The following REEP1 variants were observed in gnomAD, a reference collection of about 807,000 sequenced individuals.
REEP1 encodes receptor expression-enhancing protein 1.
A neutral mutation model predicts 40.3 loss-of-function variants in REEP1; 22 were observed. The observed-to-expected ratio is 0.55, with a 90% CI of 0.39 to 0.78. The LOEUF is 0.78. Ranked by LOEUF, REEP1 falls within the 30% of genes least tolerant of loss-of-function variation. The pLI, the probability that REEP1 is intolerant of heterozygous loss-of-function variation, is 0.00. For synonymous variants in REEP1, 116 were observed against 139.2 expected (o/e 0.83, Z 1.17); for missense variants, 280 against 361.1 (o/e 0.78, Z 1.82).
intron 3 of REEP1, among the ~76,000 whole-genome samples, chr2:86,256,106 T>G (rs1321200905): frequency 6.6e-6 from 1 of 151,900 alleles, no homozygotes; most frequent in East Asian, 1.9e-4. Flanking sequence ...CCCAGCACTT[T>G]GGGAGGAAGA....
chr2:86,299,421 T>C (rs556086401), intron 1 of REEP1, among the ~76,000 whole-genome samples: 13 of 152,310 alleles, frequency 8.5e-5, no homozygotes, highest in African/African-American at 2.6e-4. Flanking sequence ...GAATGTCCTC[T>C]CAGAGCAAAA....
chr2:86,266,211 T>A (rs978259498), intron 2 of REEP1, among the ~76,000 whole-genome samples: 1 of 152,214 alleles, frequency 6.6e-6, no homozygotes, highest in African/African-American at 2.4e-5. Context: ...TATACAAAAA[T>A]TAACTTCAAA....
At chr2:86,289,350 A>G (rs1678573285) in intron 1 of REEP1, among the ~76,000 whole-genome samples, 1 of 152,178 alleles carries the variant, frequency 6.6e-6, no homozygotes, top group East Asian at 1.9e-4. Flanking sequence ...TATTATTTTC[A>G]GCTCTCTATT....
intron 1 of REEP1, among the ~76,000 whole-genome samples, chr2:86,321,502 C>T (rs754228169): frequency 6.6e-6 from 1 of 151,956 alleles, no homozygotes; most frequent in African/African-American, 2.4e-5. Context: ...CAAAACCATA[C>T]AAAAATAACA....
At chr2:86,293,748 G>A (rs4832034) in intron 1 of REEP1, among the ~76,000 whole-genome samples, 132,710 of 152,196 alleles carry the variant, frequency 0.87, 58,295 homozygotes, top group East Asian at 0.96. Flanking sequence ...ACACTGCCAA[G>A]TGAGGCTGGT....
At chr2:86,221,530 G>A (rs981086900) in intron 7 of REEP1, among the ~76,000 whole-genome samples, 2 of 152,080 alleles carry the variant, frequency 1.3e-5, no homozygotes, top group African/African-American at 4.8e-5. Context: ...GGGAGCCCTC[G>A]CTGAATACTC....
intron 1 of REEP1, among the ~76,000 whole-genome samples, chr2:86,311,468 G>C (rs1199626268): frequency 6.6e-6 from 1 of 152,118 alleles, no homozygotes; most frequent in Non-Finnish European, 1.5e-5. Context: ...TGAGGGCCAC[G>C]TTCCCTCTGG....
intron 5 of REEP1, among the ~76,000 whole-genome samples, chr2:86,240,984 G>A (rs1304206036): frequency 6.6e-6 from 1 of 152,202 alleles, no homozygotes; most frequent in African/African-American, 2.4e-5. Context: ...GGTGAGGAGT[G>A]GAAGCCTGGG....
intron 5 of REEP1, among the ~76,000 whole-genome samples, chr2:86,246,026 A>C (rs1675935510): frequency 6.6e-6 from 1 of 152,138 alleles, no homozygotes; most frequent in African/African-American, 2.4e-5. Context: ...GGCCTCCCAA[A>C]GTGCTGGGAT....
rs2276625 is a variant in REEP1, at chr2:86,254,712, C to T, written c.285G>A (p.Thr95=). 715,642 of 1,610,440 alleles carry T rather than the reference C, an allele frequency of 0.44. 163,244 individuals are homozygous for T. The highest frequency in any genetic ancestry group is 0.59 in the East Asian group (26,560 of 44,844). The change falls in exon 4 of 9, where the codon ACG becomes ACA. Residue 95 remains threonine, a synonymous_variant. Coordinates refer to ENST00000538924, the MANE Select transcript of REEP1 (RefSeq NM_001371279.1). The part of the protein sequence containing the change: ...SLLYRKFVHP[T]LSSKEKEIDD... ...ATATTACCTTTTCTTTTGAAGATAGCGTGGGATGTACAAACTTCCTGTACA... is the reference window on the plus strand; with the variant it reads ...ATATTACCTTTTCTTTTGAAGATAGTGTGGGATGTACAAACTTCCTGTACA...
chr2:86,306,802 G>T (rs942452788), intron 1 of REEP1, among the ~76,000 whole-genome samples: 1 of 152,090 alleles, frequency 6.6e-6, no homozygotes, highest in Non-Finnish European at 1.5e-5. Flanking sequence ...CCCCATGGTA[G>T]GGGGAATAAA....
At chr2:86,314,661 T>A (rs951347058) in intron 1 of REEP1, among the ~76,000 whole-genome samples, 1 of 151,166 alleles carries the variant, frequency 6.6e-6, no homozygotes, top group African/African-American at 2.4e-5. Context: ...AGTGTGCTTT[T>A]GGGGAGGCAG....
chr2:86,217,164 T>C (rs986225668), intron 8 of REEP1, 54 bp from the exon 9 acceptor site: 10 of 1,485,492 alleles, frequency 6.7e-6, no homozygotes, highest in Admixed American at 1.7e-5. Flanking sequence ...GTGGGATCTT[T>C]TGAGGTCAGC....
chr2:86,290,837 A>G (rs981449624), intron 1 of REEP1, among the ~76,000 whole-genome samples: 3 of 152,024 alleles, frequency 2.0e-5, no homozygotes, highest in Non-Finnish European at 4.4e-5. Flanking sequence ...ACAGCAAACC[A>G]CTTGGGCTTT....
intron 5 of REEP1, among the ~76,000 whole-genome samples, chr2:86,237,721 C>T (rs1251665424): frequency 6.6e-6 from 1 of 152,018 alleles, no homozygotes; most frequent in Non-Finnish European, 1.5e-5. Flanking sequence ...CGGGGTTTCA[C>T]CTTATTGGTC....
chr2:86,224,630 G>A (rs1674593200), intron 7 of REEP1, among the ~76,000 whole-genome samples: 1 of 152,210 alleles, frequency 6.6e-6, no homozygotes, highest in East Asian at 1.9e-4. Context: ...CGGCTTCCAG[G>A]TCTTGAGGCC....
intron 1 of REEP1, among the ~76,000 whole-genome samples, chr2:86,309,119 T>C (rs1403886793): frequency 6.6e-6 from 1 of 152,198 alleles, no homozygotes; most frequent in African/African-American, 2.4e-5. Context: ...TAGTTAAAAA[T>C]ACCCCTCGCT....
intron 1 of REEP1, among the ~76,000 whole-genome samples, chr2:86,290,959 C>T (rs1448255131): frequency 6.6e-6 from 1 of 152,124 alleles, no homozygotes; most frequent in Non-Finnish European, 1.5e-5. Context: ...CATTTTGGTT[C>T]CCTAAAGACT....
rs145359349 is a variant in REEP1, at chr2:86,235,079, G to A, written c.418-2277C>T. Among the ~76,000 whole-genome samples, 46 of 152,260 alleles carry A rather than the reference G, an allele frequency of 3.0e-4. No individual in the cohort carries two copies. The East Asian group carries it at 6.4e-3, about 21-fold the overall frequency. On this transcript the variant is annotated intron_variant, in intron 5 of 8. Transcript: ENST00000538924. ...CTTTCATTCATCCTCTCATTTCTTC[G>A]TTTACTTTACTTGTTCAACAATTAC... is the stretch of plus-strand genomic sequence containing the variant.
Sources: gnomAD v4.1 joint callset for allele counts (sites outside exome capture counted in the v4.1 genomes callset) on GRCh38, gnomAD v4.1.1 for gene constraint, MANE v1.5 for transcripts, NCBI Gene and HGNC (gene_info 2026-07-23, HGNC 2026-07-21) for gene names.